The following SYNPR variants were observed in gnomAD, a reference collection of about 807,000 sequenced individuals.
The protein encoded by SYNPR is synaptoporin.
SYNPR carries 23 observed loss-of-function variants against 32.9 expected under a neutral mutation model. The ratio of observed to expected loss-of-function variants is 0.70; its 90% CI spans 0.50 to 0.99. The LOEUF is 0.99. Ranked by LOEUF, SYNPR falls within the 50% of genes least tolerant of loss-of-function variation. SYNPR has a pLI of 0.00. For missense variants in SYNPR, 318 were observed against 349.3 expected, an observed-to-expected ratio of 0.91 and a Z score of 0.71; for synonymous variants, 146 against 135.9, an observed-to-expected ratio of 1.07 and a Z score of -0.52.
chr3:63,550,621 T>C (rs370294313), intron 3 of SYNPR, among the ~76,000 whole-genome samples: 1 of 152,166 alleles, frequency 6.6e-6, no homozygotes, highest in African/African-American at 2.4e-5. Context: ...CCCTCCCCAC[T>C]GTCTCCACCA....
intron 2 of SYNPR, among the ~76,000 whole-genome samples, chr3:63,472,260 G>A (rs1235502928): frequency 6.6e-6 from 1 of 152,138 alleles, no homozygotes; most frequent in African/African-American, 2.4e-5. Flanking sequence ...GGCGAGTTGG[G>A]AAGAAGGAAG....
At chr3:63,583,604 T>G (rs1575723045) in intron 4 of SYNPR, among the ~76,000 whole-genome samples, 1 of 152,188 alleles carries the variant, frequency 6.6e-6, no homozygotes, top group South Asian at 2.1e-4. Context: ...TGGCATATTT[T>G]TGAGCTTGGA....
chr3:63,573,400 T>C (rs952853075), intron 4 of SYNPR, among the ~76,000 whole-genome samples: 1 of 152,120 alleles, frequency 6.6e-6, no homozygotes, highest in Non-Finnish European at 1.5e-5. Flanking sequence ...AGAAGTCTAT[T>C]AAGGAAAGAT....
At chr3:63,487,036 A>G (rs894333538) in intron 3 of SYNPR, among the ~76,000 whole-genome samples, 1 of 152,222 alleles carries the variant, frequency 6.6e-6, no homozygotes, top group African/African-American at 2.4e-5. Flanking sequence ...AAATTTGGTG[A>G]TAAACCTTAC....
At chr3:63,223,249 T>G in the SYNPR span, among the ~76,000 whole-genome samples, 4 of 151,084 alleles carry the variant, frequency 2.6e-5, no homozygotes, top group East Asian at 7.8e-4. Context: ...AGGAAAGAGC[T>G]CAGTGATAGG....
intron 2 of SYNPR, among the ~76,000 whole-genome samples, chr3:63,478,225 T>G (rs1247011849): frequency 1.3e-5 from 2 of 152,228 alleles, no homozygotes; most frequent in Non-Finnish European, 2.9e-5. Context: ...TTCTTAAGTT[T>G]ATTATATGAT....
chr3:63,429,578 A>G (rs1000089670), intron 2 of SYNPR, among the ~76,000 whole-genome samples: 5 of 152,232 alleles, frequency 3.3e-5, no homozygotes, highest in African/African-American at 1.2e-4. Context: ...TTGTTTTAAA[A>G]AAGACTGTAA....
At chr3:63,420,056 T>C (rs1378169182) in intron 2 of SYNPR, among the ~76,000 whole-genome samples, 1 of 152,210 alleles carries the variant, frequency 6.6e-6, no homozygotes, top group Admixed American at 6.5e-5. Context: ...AAATGTTATT[T>C]ATGCATTGAA....
At chr3:63,203,068 G>GTGTGTGTGTATATATATA in the SYNPR span, 63 of 108,550 alleles carry the variant, frequency 5.8e-4, no homozygotes, top group Non-Finnish European at 8.3e-4. Flanking sequence ...ATATGTATGT[G>GTGTGTGTGTATATATATA]TATATATATA....
At chr3:63,267,329 A>C (rs2086498572) in exon 3 of SYNPR, 1 of 152,156 alleles carries the variant, frequency 6.6e-6, no homozygotes, top group African/African-American at 2.4e-5. Flanking sequence ...TCTGCCTTAA[A>C]GGGCTTTCCT....
At position 63,272,950 on chromosome 3, in the gene SYNPR, T is replaced by C. The variant is rs756165279; in HGVS notation, n.287+5501T>C. On this transcript the variant is annotated intron_variant and non_coding_transcript_variant, in intron 3 of 4. Transcript: ENST00000478456. ...ACTAACTCAAAGATGTTGTGCTTCA[T>C]GAATCTGCAAAAACATGGGAGTGAT... Among the ~76,000 whole-genome samples the C allele has an allele frequency of 1.1e-4, 17 of 152,266 alleles. No homozygotes were observed. The South Asian group carries it at 1.2e-3, about 11-fold the overall frequency.
chr3:63,569,110 T>C (rs750162166), intron 4 of SYNPR, among the ~76,000 whole-genome samples: 4 of 152,186 alleles, frequency 2.6e-5, no homozygotes, highest in Non-Finnish European at 5.9e-5. Flanking sequence ...TAACTCTGTT[T>C]CCCTTTGTAA....
At chr3:63,416,548 A>AC (rs2088542852) in intron 2 of SYNPR, among the ~76,000 whole-genome samples, 1 of 147,838 alleles carries the variant, frequency 6.8e-6, no homozygotes, top group Non-Finnish European at 1.5e-5. Flanking sequence ...AAAAAAAAAA[A>AC]AAAACCAAAA....
chr3:63,553,864 G>A (rs1328942534), intron 3 of SYNPR, among the ~76,000 whole-genome samples: 1 of 152,174 alleles, frequency 6.6e-6, no homozygotes, highest in Admixed American at 6.5e-5. Context: ...TGGGATTACA[G>A]GCATGCGCCA....
chr3:63,597,356 A>G (rs1040333597), intron 4 of SYNPR, among the ~76,000 whole-genome samples: 2 of 152,212 alleles, frequency 1.3e-5, no homozygotes, highest in Non-Finnish European at 2.9e-5. Flanking sequence ...AATCAATAGA[A>G]AATAAACAGT....
At chr3:63,581,741 G>A (rs1290619091) in intron 4 of SYNPR, among the ~76,000 whole-genome samples, 1 of 151,836 alleles carries the variant, frequency 6.6e-6, no homozygotes, top group African/African-American at 2.4e-5. Context: ...CACTCCAGGA[G>A]ACTTGAAAGG....
chr3:63,488,948 A>ATAAT (rs1405508861), intron 3 of SYNPR, among the ~76,000 whole-genome samples: 2 of 152,206 alleles, frequency 1.3e-5, no homozygotes, highest in African/African-American at 4.8e-5. Context: ...CTCAATCTGT[A>ATAAT]TAATTGCAAG....
intron 2 of SYNPR, among the ~76,000 whole-genome samples, chr3:63,435,088 G>C: frequency 6.6e-6 from 1 of 152,294 alleles, no homozygotes; most frequent in Non-Finnish European, 1.5e-5. Flanking sequence ...CTGTCAGGAA[G>C]GAAATGCCCA....
Position 63,297,990 on chromosome 3 carries a change from G to A in SYNPR, c.84+19248G>A, listed in dbSNP as rs185687316. Among the ~76,000 whole-genome samples the A allele has an allele frequency of 2.2e-4, 33 of 152,246 alleles. 1 individual carries two copies. Among genetic ancestry groups the A allele is most frequent in the Middle Eastern group, 3.4e-3 (1 of 294 alleles). ...GTTACAGACCTTGCGACCTCTGGCC[G>A]TATGACTCCCAAGCAGCAAGGAATT... On this transcript the variant is annotated intron_variant, in intron 2 of 5. Transcript: ENST00000478300.
Sources: gnomAD v4.1 joint callset for allele counts (sites outside exome capture counted in the v4.1 genomes callset) on GRCh38, gnomAD v4.1.1 for gene constraint, MANE v1.5 for transcripts, NCBI Gene and HGNC (gene_info 2026-07-23, HGNC 2026-07-21) for gene names.